The following STK3 variants were observed in gnomAD, a reference collection of about 807,000 sequenced individuals.
STK3 encodes the protein serine/threonine-protein kinase 3.
STK3 carries 41 observed loss-of-function variants against 58.0 expected under a neutral mutation model. That is an observed-to-expected ratio of 0.71 (90% CI 0.55 to 0.92). The LOEUF (loss-of-function observed/expected upper bound fraction) is 0.92. Ranked by LOEUF, STK3 falls within the 40% of genes least tolerant of loss-of-function variation. The pLI is 0.00. For synonymous variants in STK3, 170 were observed against 191.0 expected, an observed-to-expected ratio of 0.89 and a Z score of 0.91; for missense variants, 479 against 602.7, an observed-to-expected ratio of 0.79 and a Z score of 2.15.
At chr8:98,547,802 A>G (rs1298985411) in intron 9 of STK3, among the ~76,000 whole-genome samples, 167 bp downstream of exon 9, 1 of 152,142 alleles carries the variant, frequency 6.6e-6, no homozygotes, top group Non-Finnish European at 1.5e-5. Flanking sequence ...ATTAAAATAC[A>G]ATTTTAAAAA....
chr8:98,633,423 T>C, intron 6 of STK3: 4 of 491,226 alleles, frequency 8.1e-6, no homozygotes, highest in East Asian at 6.9e-5. Flanking sequence ...AAGTTTACTT[T>C]AGAGAGGAGA....
intron 3 of STK3, among the ~76,000 whole-genome samples, chr8:98,834,886 T>A (rs1247712896): frequency 2.0e-5 from 3 of 152,258 alleles, no homozygotes; most frequent in Admixed American, 6.5e-5. Context: ...AGCTTGAGAA[T>A]GACCTTCTGA....
intron 6 of STK3, among the ~76,000 whole-genome samples, chr8:98,671,710 T>A (rs1354761926): frequency 6.6e-6 from 1 of 151,986 alleles, no homozygotes; most frequent in Non-Finnish European, 1.5e-5. Flanking sequence ...GCTTCCAGAG[T>A]AGCTGGGACC....
intron 3 of STK3, among the ~76,000 whole-genome samples, chr8:98,756,705 C>A (rs973749953): frequency 6.6e-6 from 1 of 151,980 alleles, no homozygotes; most frequent in South Asian, 2.1e-4. Flanking sequence ...TGGGACCTTG[C>A]TAAAACTGAA....
chr8:98,862,307 T>C (rs1836965880), intron 3 of STK3, among the ~76,000 whole-genome samples: 1 of 152,172 alleles, frequency 6.6e-6, no homozygotes, highest in Non-Finnish European at 1.5e-5. Context: ...TTCAAGGGTG[T>C]TAAAATATAA....
intron 4 of STK3, among the ~76,000 whole-genome samples, chr8:98,718,323 C>G (rs750114564): frequency 1.3e-5 from 2 of 152,058 alleles, no homozygotes; most frequent in Non-Finnish European, 1.5e-5. Flanking sequence ...TTTAATGCAC[C>G]AGAAGACTAG....
At chr8:98,486,239 G>T (rs1822245856) in intron 10 of STK3, among the ~76,000 whole-genome samples, 1 of 152,174 alleles carries the variant, frequency 6.6e-6, no homozygotes. Context: ...GAAAAATACA[G>T]AAAGTTGTCT....
chr8:98,674,171 T>G (rs992003058), intron 6 of STK3, among the ~76,000 whole-genome samples: 1 of 152,198 alleles, frequency 6.6e-6, no homozygotes, highest in Admixed American at 6.5e-5. Flanking sequence ...CATACAGTGC[T>G]TATGTGTTAA....
chr8:98,869,441 A>T (rs537556371), intron 3 of STK3, among the ~76,000 whole-genome samples: 1 of 152,164 alleles, frequency 6.6e-6, no homozygotes, highest in Non-Finnish European at 1.5e-5. Flanking sequence ...TAAATAAAAT[A>T]AAATAATAAA....
intron 3 of STK3, among the ~76,000 whole-genome samples, chr8:98,757,714 CT>C (rs372180385): frequency 5.9e-4 from 88 of 149,958 alleles, no homozygotes; most frequent in Middle Eastern, 3.4e-3. Flanking sequence ...ATTTATTTAT[CT>C]TTTTTTTTAA....
chr8:98,930,028 T>A (rs529461924), intron 1 of STK3, among the ~76,000 whole-genome samples: 1 of 152,348 alleles, frequency 6.6e-6, no homozygotes, highest in South Asian at 2.1e-4. Context: ...TGGAATCTTT[T>A]TTCCTCAAAA....
chr8:98,849,157 C>T (rs770269999), intron 3 of STK3, among the ~76,000 whole-genome samples: 1 of 146,328 alleles, frequency 6.8e-6, no homozygotes. Flanking sequence ...ACCCAAGAGG[C>T]GGAGCTTGCA....
At chr8:98,350,337 T>C in the STK3 span, among the ~76,000 whole-genome samples, 1 of 152,230 alleles carries the variant, frequency 6.6e-6, no homozygotes, top group Non-Finnish European at 1.5e-5. Context: ...AATTTCATTG[T>C]CTGTATCATT....
chr8:98,705,345 C>T (rs1346256855), intron 6 of STK3, among the ~76,000 whole-genome samples: 6 of 150,650 alleles, frequency 4.0e-5, no homozygotes, highest in Non-Finnish European at 8.8e-5. Context: ...CCCAGGAGGT[C>T]GAGGCTCGAG....
intron 3 of STK3, among the ~76,000 whole-genome samples, chr8:98,753,406 C>A (rs903401303): frequency 6.6e-6 from 1 of 152,070 alleles, no homozygotes; most frequent in African/African-American, 2.4e-5. Context: ...TCACTTATAA[C>A]TGGGAGCTAA....
At chr8:98,890,398 G>A (rs1340699829) in intron 1 of STK3, among the ~76,000 whole-genome samples, 1 of 152,222 alleles carries the variant, frequency 6.6e-6, no homozygotes. Context: ...AGCCACAACA[G>A]CCTTTAATTA....
At chr8:98,451,187 A>T (rs140207135), downstream of STK3, among the ~76,000 whole-genome samples, 842 of 151,568 alleles carry the variant, frequency 5.6e-3, 6 homozygotes, top group African/African-American at 0.019. Flanking sequence ...ATTAATGACA[A>T]TTTTTTTTTG....
chr8:98,631,109 G>A (rs1206545152), intron 6 of STK3, among the ~76,000 whole-genome samples: 1 of 152,068 alleles, frequency 6.6e-6, no homozygotes, highest in African/African-American at 2.4e-5. Flanking sequence ...TTACTACCCT[G>A]GTTCAGGCCG....
intron 1 of STK3, among the ~76,000 whole-genome samples, chr8:98,886,990 T>C (rs759180612): frequency 6.6e-6 from 1 of 151,902 alleles, no homozygotes; most frequent in Non-Finnish European, 1.5e-5. Context: ...CCCAGCTACT[T>C]GGGAGCCTGA....
Sources: allele counts gnomAD v4.1 joint callset (sites outside exome capture counted in the v4.1 genomes callset), GRCh38; gene constraint gnomAD v4.1.1; transcripts MANE v1.5; gene names NCBI Gene and HGNC (gene_info 2026-07-23, HGNC 2026-07-21).